TSHZ3: variants seen among roughly 807,000 people sequenced by gnomAD.
The protein encoded by TSHZ3 is teashirt zinc finger homeobox 3, also known as teashirt homolog 3.
In TSHZ3, 10 loss-of-function variants were observed where a neutral mutation model predicts 64.5. That is an observed-to-expected ratio of 0.16 (90% confidence interval 0.10 to 0.26). The LOEUF is 0.26. TSHZ3 is among the 10% of genes least tolerant of loss of function. TSHZ3 has a pLI of 1.00. For synonymous variants in TSHZ3, 608 were observed against 593.1 expected (o/e 1.03, Z -0.36); for missense variants, 1,242 against 1,421.7 (o/e 0.87, Z 2.03).
At chr19:31,176,183 C>T (rs900246259) in intron 5 of TSHZ3, among the ~76,000 whole-genome samples, 1 of 152,122 alleles carries the variant, frequency 6.6e-6, no homozygotes, top group Non-Finnish European at 1.5e-5. Context: ...TAATCCAGCC[C>T]AGGGGACATC....
intron 5 of TSHZ3, among the ~76,000 whole-genome samples, chr19:31,200,354 T>C (rs1048028572): frequency 3.3e-5 from 5 of 152,126 alleles, no homozygotes; most frequent in African/African-American, 4.8e-5. Flanking sequence ...ATAAATAAAC[T>C]AAAAGTCTGG....
chr19:31,207,476 C>A (rs1032211528), intron 4 of TSHZ3: 5 of 152,102 alleles, frequency 3.3e-5, no homozygotes, highest in African/African-American at 9.7e-5. Flanking sequence ...GGAGAAGCAA[C>A]TTTTTTTCTC....
chr19:31,258,904 A>G (rs1164735932), intron 1 of TSHZ3, among the ~76,000 whole-genome samples: 2 of 152,176 alleles, frequency 1.3e-5, no homozygotes, highest in Non-Finnish European at 2.9e-5. Flanking sequence ...AGCCATTTCC[A>G]GTACAGTGTG....
chr19:31,181,872 A>T (rs370091128), intron 5 of TSHZ3, among the ~76,000 whole-genome samples: 122 of 152,278 alleles, frequency 8.0e-4, no homozygotes, highest in Middle Eastern at 3.4e-3. Flanking sequence ...GCTAATTAGC[A>T]CTGATGAGGA....
chr19:31,334,078 T>TTTA (rs1917173090), intron 1 of TSHZ3, among the ~76,000 whole-genome samples: 1 of 152,150 alleles, frequency 6.6e-6, no homozygotes, highest in Non-Finnish European at 1.5e-5. Context: ...CATGCTGTTA[T>TTTA]TTTATTTATT....
intron 1 of TSHZ3, among the ~76,000 whole-genome samples, chr19:31,293,119 A>T (rs1976603627): frequency 6.6e-6 from 1 of 152,056 alleles, no homozygotes; most frequent in Non-Finnish European, 1.5e-5. Context: ...GTACCCATCC[A>T]TCCAAAAATC....
At chr19:31,336,334 TG>T (rs1917241055) in intron 1 of TSHZ3, among the ~76,000 whole-genome samples, 1 of 152,180 alleles carries the variant, frequency 6.6e-6, no homozygotes, top group East Asian at 1.9e-4. Flanking sequence ...AAACCATGAC[TG>T]GGGGCCTTTT....
intron 1 of TSHZ3, among the ~76,000 whole-genome samples, chr19:31,327,335 T>C (rs1038651682): frequency 1.3e-5 from 2 of 152,222 alleles, no homozygotes; most frequent in African/African-American, 4.8e-5. Flanking sequence ...GGGAATCATA[T>C]TCTACATGTG....
intron 1 of TSHZ3, among the ~76,000 whole-genome samples, chr19:31,291,736 T>C (rs969613174): frequency 2.0e-5 from 3 of 152,186 alleles, no homozygotes; most frequent in Admixed American, 1.3e-4. Context: ...ATCAAACCAA[T>C]GGTGGAAGCC....
chr19:31,196,153 G>A (rs1315064807), intron 5 of TSHZ3, among the ~76,000 whole-genome samples: 1 of 151,878 alleles, frequency 6.6e-6, no homozygotes. Context: ...GGACGGGAAG[G>A]AAGAATTAGG....
At position 31,329,104 on chromosome 19, in the gene TSHZ3, C is replaced by T. The variant is rs373476927; in HGVS notation, c.40+20076G>A. On this transcript the variant is annotated intron_variant, in intron 1 of 1. Transcript: ENST00000240587. ...TTACACTAGGCTCCCAATCTTCATG[C>T]GGCACATGTATTGCACTGAAAACGG... Among the ~76,000 whole-genome samples the T allele has an allele frequency of 1.6e-3, 248 of 152,242 alleles. 7 individuals are homozygous for T. In the South Asian group the frequency reaches 0.049, roughly 30 times the overall value.
intron 1 of TSHZ3, among the ~76,000 whole-genome samples, chr19:31,340,755 G>A (rs10415894): frequency 6.6e-6 from 1 of 152,220 alleles, no homozygotes; most frequent in Non-Finnish European, 1.5e-5. Flanking sequence ...CCAGGGCCCA[G>A]ACCCCAGGAC....
At chr19:31,199,732 T>G (rs1241040588) in intron 5 of TSHZ3, among the ~76,000 whole-genome samples, 2 of 69,900 alleles carry the variant, frequency 2.9e-5, no homozygotes, top group African/African-American at 1.4e-4. Context: ...TTCACTAAAA[T>G]TAAAATTTTC....
upstream of TSHZ3, among the ~76,000 whole-genome samples, chr19:31,350,685 C>T (rs1282474222): frequency 2.0e-5 from 3 of 151,396 alleles, no homozygotes; most frequent in Admixed American, 6.6e-5. Flanking sequence ...GCTGGCTGGG[C>T]GGCGTGGGCG....
chr19:31,224,166 C>T (rs1169979413), intron 4 of TSHZ3, among the ~76,000 whole-genome samples: 1 of 152,168 alleles, frequency 6.6e-6, no homozygotes. Context: ...TGTTCTGGCA[C>T]CATGAAAAGC....
intron 1 of TSHZ3, among the ~76,000 whole-genome samples, chr19:31,259,596 G>C (rs2145197747): frequency 6.6e-6 from 1 of 152,116 alleles, no homozygotes; most frequent in South Asian, 2.1e-4. Flanking sequence ...TATCCTATGG[G>C]GCTGGGAGCT....
In TSHZ3 at chr19:31,212,453, G is replaced by A. The variant is rs376887371; in HGVS notation, n.687-7375C>T. Among the ~76,000 whole-genome samples the A allele has an allele frequency of 7.2e-5, 11 of 152,126 alleles. No homozygotes were observed. The East Asian group carries it at 2.1e-3, about 29-fold the overall frequency. On this transcript the variant is annotated intron_variant and non_coding_transcript_variant, in intron 4 of 6. Transcript: ENST00000651361. ...AGCCTGGGTGACAGAGTGAAACTGT[G>A]TCTCAAAAATAAAAATAAATAAAGA...
chr19:31,217,140 C>T (rs1175520548), intron 4 of TSHZ3, among the ~76,000 whole-genome samples: 4 of 152,200 alleles, frequency 2.6e-5, no homozygotes, highest in African/African-American at 7.2e-5. Context: ...GACTATGACA[C>T]ATCCAACCTG....
At chr19:31,204,679 A>T (rs1975140073) in intron 5 of TSHZ3, 1 of 152,248 alleles carries the variant, frequency 6.6e-6, no homozygotes, top group East Asian at 1.9e-4. Context: ...AGTGCAAAGG[A>T]TCATTTTTTC....
Sources: allele counts gnomAD v4.1 joint callset (sites outside exome capture counted in the v4.1 genomes callset), GRCh38; gene constraint gnomAD v4.1.1; transcripts MANE v1.5; gene names NCBI Gene and HGNC (gene_info 2026-07-23, HGNC 2026-07-21).